BICRA: variants seen among roughly 807,000 people sequenced by gnomAD.
The protein encoded by BICRA is BRD4 interacting chromatin remodeling complex associated protein.
Under a neutral mutation model 96.9 loss-of-function variants are expected in BICRA, and 31 were observed. The observed-to-expected ratio is 0.32, with a 90% confidence interval of 0.24 to 0.43. The LOEUF (loss-of-function observed/expected upper bound fraction) is 0.43. BICRA is among the 20% of genes least tolerant of loss of function. The probability of loss-of-function intolerance (pLI) is 1.00; values close to 1 mark genes in which losing one functional copy is unlikely to be tolerated. For missense variants in BICRA, 2,283 were observed against 2,190.3 expected, an observed-to-expected ratio of 1.04 and a Z score of -0.84; for synonymous variants, 1,350 against 1,071.8, an observed-to-expected ratio of 1.26 and a Z score of -5.07.
At chr19:47,665,539 A>G (rs1972765814) in intron 1 of BICRA, among the ~76,000 whole-genome samples, 1 of 152,154 alleles carries the variant, frequency 6.6e-6, no homozygotes, top group African/African-American at 2.4e-5. Flanking sequence ...GCACGATCAC[A>G]GCTCACTGCA....
At chr19:47,673,332 T>C (rs1599841531) in intron 2 of BICRA, among the ~76,000 whole-genome samples, 1 of 152,038 alleles carries the variant, frequency 6.6e-6, no homozygotes, top group African/African-American at 2.4e-5. Flanking sequence ...ATATCATCAT[T>C]ATCATCATCA....
At chr19:47,622,850 C>A (rs139264044) in intron 1 of BICRA, among the ~76,000 whole-genome samples, 1 of 151,578 alleles carries the variant, frequency 6.6e-6, no homozygotes, top group East Asian at 1.9e-4. Flanking sequence ...CCAGCCTGGG[C>A]AACATGGTGA....
chr19:47,610,018 A>C (rs934538520), intron 1 of BICRA, among the ~76,000 whole-genome samples: 1 of 151,802 alleles, frequency 6.6e-6, no homozygotes, highest in Non-Finnish European at 1.5e-5. Flanking sequence ...GCGGCCCCCC[A>C]TCTCCTACCC....
intron 7 of BICRA, among the ~76,000 whole-genome samples, chr19:47,688,378 G>A (rs1040263634): frequency 3.9e-5 from 6 of 152,116 alleles, no homozygotes; most frequent in Non-Finnish European, 7.4e-5. Context: ...GCTAGCAGTT[G>A]AAGACCAAAT....
At chr19:47,672,758 A>G (rs1463395226) in intron 2 of BICRA, among the ~76,000 whole-genome samples, 4 of 151,944 alleles carry the variant, frequency 2.6e-5, no homozygotes, top group Non-Finnish European at 5.9e-5. Flanking sequence ...TCCCTTCCCT[A>G]TGGGGGTGGA....
At chr19:47,657,587 G>A (rs1444251272) in intron 1 of BICRA, among the ~76,000 whole-genome samples, 3 of 150,814 alleles carry the variant, frequency 2.0e-5, no homozygotes, top group African/African-American at 4.9e-5. Flanking sequence ...TAGTAAAGAC[G>A]GAGTTTCACT....
intron 1 of BICRA, among the ~76,000 whole-genome samples, chr19:47,654,606 C>T (rs770275536): frequency 2.6e-5 from 4 of 152,030 alleles, no homozygotes; most frequent in Middle Eastern, 3.2e-3. Flanking sequence ...CTCAGCCTCC[C>T]GAGTAGCTGG....
rs952001548 is a variant in BICRA at position 47,693,896 on chromosome 19, G to A, written c.2284-219G>A. 3.3e-5 allele frequency among the ~76,000 whole-genome samples: 5 copies of A among 152,240 alleles called. No homozygotes were observed. In the South Asian group the frequency reaches 6.2e-4, roughly 19 times the overall value. ...GGCCAGAGAAATGTGGAGGAGCTGC[G>A]GTGGGGGACAGAGGTCGAGGGCAGG... On this transcript the variant is annotated intron_variant, in intron 7 of 14. Coordinates refer to ENST00000594866, the MANE Select transcript of BICRA (RefSeq NM_001394372.1).
intron 1 of BICRA, among the ~76,000 whole-genome samples, chr19:47,651,450 T>C (rs2123549018): frequency 6.6e-6 from 1 of 152,178 alleles, no homozygotes; most frequent in Admixed American, 6.5e-5. Context: ...ATCCTGTATG[T>C]ACCCCAGCCC....
chr19:47,696,606 C>G (rs1393534028), intron 11 of BICRA, 94 bp downstream of exon 11: 5 of 1,189,578 alleles, frequency 4.2e-6, no homozygotes, highest in Non-Finnish European at 5.9e-6. Context: ...GTTGGGCAGG[C>G]CCAAGTGCCA....
rs1351117199 is a variant in BICRA at position 47,701,947 on chromosome 19, C to T, written c.4215C>T (p.Pro1405=). The change falls in exon 15 of 15, where the codon CCC becomes CCT. Residue 1405 remains proline, a synonymous_variant. Transcript: ENST00000594866. The surrounding 1 kb of genome is among the most constrained non-coding windows in gnomAD (Gnocchi z 5.4). ...GCCCTGGCGCGCCGGAGGGGACGCC[C>T]GCAGGCAGGGCACGGGGAGGCAGCC... ...VGGPGAPEGT[P]AGRARGGSPA... The T allele has an allele frequency of 1.6e-5, 23 of 1,443,988 alleles. No individual in the cohort carries two copies. Among genetic ancestry groups the T allele is most frequent in the Non-Finnish European group, 2.0e-5 (22 of 1,108,980 alleles). The allele number at this position is 1,443,988 out of a possible 1,614,324, so 89.4% of individuals were successfully genotyped here. A position where few individuals can be genotyped will look rare whatever the true frequency, so the allele number is the denominator to read the frequency against.
chr19:47,611,803 C>T (rs1033549092), intron 1 of BICRA, among the ~76,000 whole-genome samples: 4 of 151,894 alleles, frequency 2.6e-5, no homozygotes, highest in South Asian at 2.1e-4. Flanking sequence ...ACGTGTCATT[C>T]ATATTTATCA....
At chr19:47,668,700 C>G (rs1034860506) in intron 1 of BICRA, among the ~76,000 whole-genome samples, 1 of 152,174 alleles carries the variant, frequency 6.6e-6, no homozygotes, top group Admixed American at 6.5e-5. Context: ...CCACGTTGGC[C>G]AGGCTGGTCT....
chr19:47,685,784 T>TGCGCGCGCGCGCGCGC (rs1377559075), intron 7 of BICRA, among the ~76,000 whole-genome samples: 2 of 115,436 alleles, frequency 1.7e-5, no homozygotes, highest in Admixed American at 1.8e-4. Flanking sequence ...TGTGTGTGTG[T>TGCGCGCGCGCGCGCGC]GTGCGCGCGC....
At chr19:47,613,329 T>C (rs1450360280) in intron 1 of BICRA, among the ~76,000 whole-genome samples, 2 of 152,108 alleles carry the variant, frequency 1.3e-5, no homozygotes, top group African/African-American at 2.4e-5. Flanking sequence ...ACTCCAGGTC[T>C]CAAGAATGCA....
intron 7 of BICRA, among the ~76,000 whole-genome samples, chr19:47,690,291 C>T (rs1043200647): frequency 2.0e-5 from 3 of 152,166 alleles, no homozygotes; most frequent in African/African-American, 4.8e-5. Flanking sequence ...TGTGAGCCAC[C>T]GCGCCCGGCC....
chr19:47,693,996 T>C, intron 7 of BICRA, 119 bp from the exon 8 acceptor site: 1 of 1,213,206 alleles, frequency 8.2e-7, no homozygotes, highest in Non-Finnish European at 1.1e-6. Context: ...TCAGGATGGG[T>C]GTGGGCTAGG....
At chr19:47,631,223 TTTTTA>T (rs368104381) in intron 1 of BICRA, among the ~76,000 whole-genome samples, 2 of 151,950 alleles carry the variant, frequency 1.3e-5, no homozygotes, top group African/African-American at 2.4e-5. Context: ...TCTGGCTAAT[TTTTTA>T]TTTTATTTTA....
rs1973496213 is a variant in BICRA at position 47,703,016 on chromosome 19, GCCC to G, written c.*602_*604del. 6.6e-6 allele frequency: 1 copy of G among 152,584 alleles called. No individual in the cohort carries two copies. Among genetic ancestry groups the G allele is most frequent in the Non-Finnish European group, 1.5e-5 (1 of 68,142 alleles). The allele number at this position is 152,584 out of a possible 1,614,324, so 9.5% of individuals were successfully genotyped here. A position where few individuals can be genotyped will look rare whatever the true frequency, so the allele number is the denominator to read the frequency against. ...CACAAGTGAGTGAGAGATTTCGAAC[GCCC>G]ACCCCTCGACTTTGAAATCTGAGCA... is the stretch of plus-strand genomic sequence containing the variant. On this transcript the variant is annotated 3_prime_UTR_variant, in exon 15 of 15. Transcript: ENST00000594866.
Sources: gnomAD v4.1 joint callset for allele counts (sites outside exome capture counted in the v4.1 genomes callset) on GRCh38, gnomAD v4.1.1 for gene constraint, Gnocchi (gnomAD v3.1) non-coding constraint, MANE v1.5 for transcripts, NCBI Gene and HGNC (gene_info 2026-07-23, HGNC 2026-07-21) for gene names.